ARHGAP30: variants seen among roughly 807,000 people sequenced by gnomAD.
The protein encoded by ARHGAP30 is Rho GTPase activating protein 30.
Under a neutral mutation model 72.0 loss-of-function variants are expected in ARHGAP30, and 23 were observed. The ratio of observed to expected loss-of-function variants is 0.32; its 90% CI spans 0.23 to 0.45. The LOEUF (loss-of-function observed/expected upper bound fraction) is 0.45. Ranked by LOEUF, ARHGAP30 falls within the 20% of genes least tolerant of loss-of-function variation. The probability of loss-of-function intolerance (pLI) is 1.00; values close to 1 mark genes in which losing one functional copy is unlikely to be tolerated. For synonymous variants in ARHGAP30, 576 were observed against 528.2 expected, an observed-to-expected ratio of 1.09 and a Z score of -1.24; for missense variants, 1,319 against 1,383.4, an observed-to-expected ratio of 0.95 and a Z score of 0.74.
rs908022676 is a variant in ARHGAP30, at chr1:161,069,243, C to T, written c.97+285G>A. Among the ~76,000 whole-genome samples the T allele has an allele frequency of 3.3e-5, 5 of 152,122 alleles. No individual in the cohort carries two copies. Among genetic ancestry groups the T allele is most frequent in the African/African-American group, 7.2e-5 (3 of 41,406 alleles). ...GCCCGCTGTTTCATCCACTCCTCCT[C>T]GGTTTCCAGTCTCTCCATCCTCCCC... is the stretch of plus-strand genomic sequence containing the variant. On this transcript the variant is annotated intron_variant, in intron 1 of 11. Coordinates refer to ENST00000368013, the MANE Select transcript of ARHGAP30 (RefSeq NM_001025598.2). This position sits in a 1 kb window ranked among gnomAD's most constrained non-coding sequence, Gnocchi z 4.9.
chr1:161,055,235 G>T (rs1464235631), intron 3 of ARHGAP30, among the ~76,000 whole-genome samples: 1 of 152,216 alleles, frequency 6.6e-6, no homozygotes, highest in East Asian at 1.9e-4. Flanking sequence ...ACTCACACCT[G>T]TAACACCAGC....
chr1:161,051,026 A>T (rs1300815013), intron 10 of ARHGAP30, among the ~76,000 whole-genome samples: 1 of 152,150 alleles, frequency 6.6e-6, no homozygotes, highest in African/African-American at 2.4e-5. Flanking sequence ...ATATATTCCC[A>T]CATTTGTCCT....
intron 1 of ARHGAP30, among the ~76,000 whole-genome samples, chr1:161,062,702 C>CT (rs1488629020): frequency 6.6e-5 from 10 of 151,580 alleles, no homozygotes; most frequent in African/African-American, 1.9e-4. Flanking sequence ...GCACTCCAGC[C>CT]TGGGGGACAG....
At chr1:161,052,180 A>G in intron 9 of ARHGAP30, 106 bp downstream of exon 9, 1 of 1,262,884 alleles carries the variant, frequency 7.9e-7, no homozygotes, top group Non-Finnish European at 1.1e-6. Flanking sequence ...GGCACTCATT[A>G]AATATTTTTT....
rs1160455597 is a variant in ARHGAP30, at chr1:161,059,640, C to T, written c.174G>A (p.Gly58=). 1 of 1,613,576 alleles carries T rather than the reference C, an allele frequency of 6.2e-7. No individual in the cohort carries two copies. Among genetic ancestry groups the T allele is most frequent in the East Asian group, 2.2e-5 (1 of 44,870 alleles). Residue 58 remains glycine, a synonymous_variant, in exon 2 of 12, where the codon GGG becomes GGA. Coordinates refer to ENST00000368013, the MANE Select transcript of ARHGAP30 (RefSeq NM_001025598.2). ...GAAGCTTCTGGATGTTGGAGGAGAC[C>T]CCTGAGAGGCGGTAGATCCCATCCA... The part of the protein sequence containing the change: ...GVVDGIYRLS[G]VSSNIQKLRQ...
At chr1:161,054,509 G>A in intron 4 of ARHGAP30, 36 bp from the exon 5 acceptor site, 3 of 1,608,310 alleles carry the variant, frequency 1.9e-6, no homozygotes, top group Non-Finnish European at 2.6e-6. Flanking sequence ...CACAGGGAAT[G>A]CCCAGGGCAG....
intron 2 of ARHGAP30, among the ~76,000 whole-genome samples, chr1:161,058,314 A>T (rs570673076): frequency 1.5e-4 from 23 of 150,390 alleles, no homozygotes; most frequent in African/African-American, 4.6e-4. Flanking sequence ...TCCATCCCAA[A>T]AAATAAATAA....
In ARHGAP30 at chr1:161,056,542, C is replaced by G. The variant is rs749141687; in HGVS notation, c.201-10G>C. 9.3e-6 allele frequency: 15 copies of G among 1,610,330 alleles called. No homozygotes were observed. The highest frequency in any genetic ancestry group is 1.3e-5 in the Non-Finnish European group (15 of 1,179,374). ...TGACTCAAATTCCTGCCTGGGGAGG[C>G]GCGGTGTGGTCAGGAGTGGTAGGGG... On this transcript the variant is annotated splice_polypyrimidine_tract_variant and intron_variant, in intron 2 of 11. Coordinates refer to ENST00000368013, the MANE Select transcript of ARHGAP30 (RefSeq NM_001025598.2).
chr1:161,050,135 C>T (rs1233776613), intron 10 of ARHGAP30, among the ~76,000 whole-genome samples: 1 of 152,138 alleles, frequency 6.6e-6, no homozygotes, highest in Non-Finnish European at 1.5e-5. Context: ...GGAGTCAGAG[C>T]AAGGATCAGA....
intron 3 of ARHGAP30, among the ~76,000 whole-genome samples, chr1:161,055,881 A>AAATAAAAT (rs1553217953): frequency 1.9e-5 from 1 of 53,848 alleles, no homozygotes; most frequent in Admixed American, 1.9e-4. Context: ...AAAATAAAAT[A>AAATAAAAT]AAAATAAATA....
At chr1:161,056,581 G>A (rs760749437) in intron 2 of ARHGAP30, 49 bp from the exon 3 acceptor site, 1 of 1,584,970 alleles carries the variant, frequency 6.3e-7, no homozygotes, top group African/African-American at 1.3e-5. Flanking sequence ...GGGTGATGTG[G>A]GGAGAGGTGG....
In ARHGAP30 at chr1:161,049,029, C is replaced by T. The variant is rs1253669262; in HGVS notation, c.1992G>A (p.Glu664=). Residue 664 remains glutamate, a synonymous_variant, in exon 12 of 12, where the codon GAG becomes GAA. Transcript: ENST00000368013. ...CCCTGATGTCTAGCCTGCCTCCAGG[C>T]TCAGCCTGCTTGTCCTCCCCAACTT... ...CWEVGEDKQA[E]PGGRLDIREE... 2 of 1,613,930 alleles carry T rather than the reference C, an allele frequency of 1.2e-6. No homozygotes were observed. The highest frequency in any genetic ancestry group is 2.2e-5 in the East Asian group (1 of 44,882).
chr1:161,052,153 G>A (rs1651451834), intron 9 of ARHGAP30, 133 bp downstream of exon 9: 1 of 915,152 alleles, frequency 1.1e-6, no homozygotes, highest in African/African-American at 1.6e-5. Context: ...CATTTACAAT[G>A]TGGCTGGTAT....
rs532913631 is a variant in ARHGAP30, at chr1:161,052,769, C to T, written c.693G>A (p.Ser231=). The T allele has an allele frequency of 1.2e-5, 19 of 1,611,562 alleles. No homozygotes were observed. The East Asian group carries it at 2.0e-4, about 17-fold the overall frequency. ...SGGEVESGWR[S]LPGTRASGSP... ...TGCCTGATGCCCGGGTCCCTGGAAG[C>T]GATCGCCACCCACTCTCCACCTCAC... The change falls in exon 7 of 12, where the codon TCG becomes TCA. Residue 231 remains serine (S), a synonymous_variant. Transcript: ENST00000368013.
Position 161,047,018 on chromosome 1 carries a change from A to G in ARHGAP30, c.*697T>C, listed in dbSNP as rs1460370111. Reference sequence around the variant, plus strand: ...GGACCTGTGGCCCCAGCCTGGCTGGAGAAGCAGTCCCAGGGCCTGAGTGAC... The same window carrying G: ...GGACCTGTGGCCCCAGCCTGGCTGGGGAAGCAGTCCCAGGGCCTGAGTGAC... On this transcript the variant is annotated 3_prime_UTR_variant, in exon 12 of 12. Transcript: ENST00000368013. 1 of 469,416 alleles carries G rather than the reference A, an allele frequency of 2.1e-6. No homozygotes were observed. The highest frequency in any genetic ancestry group is 4.4e-6 in the Non-Finnish European group (1 of 226,564). The allele number at this position is 469,416 out of a possible 1,614,324, so 29.1% of individuals were successfully genotyped here. A position where few individuals can be genotyped will look rare whatever the true frequency, so the allele number is the denominator to read the frequency against.
Position 161,053,373 on chromosome 1 carries a change from T to C in ARHGAP30, c.549A>G (p.Ile183Met), listed in dbSNP as rs772785482. 9 of 1,613,860 alleles carry C rather than the reference T, an allele frequency of 5.6e-6. No homozygotes were observed. In the African/African-American group the frequency reaches 1.2e-4, roughly 22 times the overall value. Residue 183 changes from isoleucine to methionine, a missense_variant, in exon 6 of 12, where the codon ATA (isoleucine) becomes ATG (methionine). Ile to Met is a conservative substitution (Grantham distance 10, BLOSUM62 1). Transcript: ENST00000368013. ...CTGTCCCATTGAAGCCTGAGGCCTC[T>C]ATGTCCTTAGACCTGTGGAGATGTG... Reference protein sequence around the residue: ...WAPNLLRSKDIEASGFNGTAA... With the variant: ...WAPNLLRSKDMEASGFNGTAA...
At chr1:161,054,314 C>G (rs1651668553) in intron 5 of ARHGAP30, 52 bp downstream of exon 5, 2 of 1,539,884 alleles carry the variant, frequency 1.3e-6, no homozygotes, top group Non-Finnish European at 1.8e-6. Flanking sequence ...AGCAGCCTCC[C>G]AAAGGCCAGT....
In ARHGAP30 at chr1:161,047,912, T is replaced by A; in HGVS notation, c.3109A>T (p.Ser1037Cys). ...CGAGGAGAATGGGCAGAGATCATGCTACAAGGGGAGGTTCTGGGGATGAGG... is the reference window on the plus strand; with the variant it reads ...CGAGGAGAATGGGCAGAGATCATGCAACAAGGGGAGGTTCTGGGGATGAGG... Reference protein sequence around the residue: ...YCLIPRTSPCSMISAHSPRPL... With the variant: ...YCLIPRTSPCCMISAHSPRPL... Residue 1037 changes from serine to cysteine, a missense_variant, in exon 12 of 12, where the codon AGC becomes TGC. Physicochemically the swap from Ser to Cys is moderately radical, Grantham distance 112. Coordinates refer to ENST00000368013, the MANE Select transcript of ARHGAP30 (RefSeq NM_001025598.2). 2 of 1,612,970 alleles carry A rather than the reference T, an allele frequency of 1.2e-6. No individual in the cohort carries two copies.
In ARHGAP30 at chr1:161,069,589, G is replaced by T. The variant is rs766731201; in HGVS notation, c.36C>A (p.Ser12Arg). 6.2e-7 allele frequency: 1 copy of T among 1,611,468 alleles called. No individual in the cohort carries two copies. Among genetic ancestry groups the T allele is most frequent in the Non-Finnish European group, 8.5e-7 (1 of 1,180,014 alleles). ...CGCACCCAAAAACCCGCTCCTTTGC[G>T]CTGCCCTTCTTCTTTCCTTTCTGCC... Reference protein sequence around the residue: ...KSRQKGKKKGSAKERVFGCDL... With the variant: ...KSRQKGKKKGRAKERVFGCDL... Residue 12 changes from serine (S) to arginine (R), a missense_variant, in exon 1 of 12, where the codon AGC becomes AGA. Coordinates refer to ENST00000368013, the MANE Select transcript of ARHGAP30 (RefSeq NM_001025598.2). This position sits in a 1 kb window ranked among gnomAD's most constrained non-coding sequence, Gnocchi z 4.9.
Sources: allele counts gnomAD v4.1 joint callset (sites outside exome capture counted in the v4.1 genomes callset), GRCh38; gene constraint gnomAD v4.1.1; non-coding constraint Gnocchi (gnomAD v3.1); transcripts MANE v1.5; gene names NCBI Gene and HGNC (gene_info 2026-07-23, HGNC 2026-07-21).